The following DNAH9 variants were observed in gnomAD, a reference collection of about 807,000 sequenced individuals.
The protein encoded by DNAH9 is dynein axonemal heavy chain 9.
Under a neutral mutation model 471.6 loss-of-function variants are expected in DNAH9, and 345 were observed. The ratio of observed to expected loss-of-function variants is 0.73; its 90% CI spans 0.67 to 0.80. The LOEUF (loss-of-function observed/expected upper bound fraction) is 0.80. DNAH9 is among the 30% of genes least tolerant of loss of function. DNAH9 has a pLI of 0.00. For synonymous variants in DNAH9, 2,093 were observed against 2,123.6 expected, an observed-to-expected ratio of 0.99 and a Z score of 0.40; for missense variants, 5,407 against 5,609.2, an observed-to-expected ratio of 0.96 and a Z score of 1.15.
At position 11,805,523 on chromosome 17, in the gene DNAH9, C is replaced by CTTTT. The variant is rs773842478; in HGVS notation, c.8421-2170_8421-2167dup. On this transcript the variant is annotated intron_variant, in intron 43 of 68. Coordinates refer to ENST00000262442, the MANE Select transcript of DNAH9 (RefSeq NM_001372.4). ...TATTTGGCCAAACTTTACCCGAGTT[C>CTTTT]TTTTTTTTTTTTTTTTTTTTTTTTT... Among the ~76,000 whole-genome samples, 124 of 52,082 alleles carry CTTTT rather than the reference C, an allele frequency of 2.4e-3. 23 individuals are homozygous for CTTTT. Among genetic ancestry groups the CTTTT allele is most frequent in the East Asian group, 4.1e-3 (4 of 972 alleles). 34.2% of individuals were successfully genotyped at this position (52,082 alleles called of 152,430 possible). A position where few individuals can be genotyped will look rare whatever the true frequency, so the allele number is the denominator to read the frequency against.
rs1284860881 is a variant in DNAH9, at chr17:11,892,857, T to C, written c.11283+910T>C. On this transcript the variant is annotated intron_variant, in intron 58 of 68. Transcript: ENST00000262442. This position sits in a 1 kb window ranked among gnomAD's most constrained non-coding sequence, Gnocchi z 4.3. ...GCATGAGCCATTGCATCTGGCCTAA[T>C]TTACTTCCTTTTACATGTCCCTGTA... 6.6e-6 allele frequency among the ~76,000 whole-genome samples: 1 copy of C among 151,632 alleles called. No individual in the cohort carries two copies. The highest frequency in any genetic ancestry group is 1.5e-5 in the Non-Finnish European group (1 of 68,014).
At chr17:11,848,890 G>A (rs973503597) in intron 49 of DNAH9, among the ~76,000 whole-genome samples, 12 of 151,808 alleles carry the variant, frequency 7.9e-5, no homozygotes, top group Non-Finnish European at 1.2e-4. Flanking sequence ...AGGCTGGAGT[G>A]CAGTGGCATG....
rs118172785 is a variant in DNAH9, at chr17:11,604,300, G to A, written c.418-3829G>A. Among the ~76,000 whole-genome samples the A allele has an allele frequency of 5.0e-3, 763 of 152,178 alleles. 33 individuals carry two copies. In the East Asian group the frequency reaches 0.1, roughly 21 times the overall value. On this transcript the variant is annotated intron_variant, in intron 1 of 68. Transcript: ENST00000262442. ...GCTTCACAAAGTGTTGGGATTACAG[G>A]TGTGAGCCGCCGCGCCCGTCCTCTT...
At chr17:11,603,161 T>C (rs982931690) in intron 1 of DNAH9, among the ~76,000 whole-genome samples, 15 of 152,348 alleles carry the variant, frequency 9.8e-5, no homozygotes, top group African/African-American at 3.4e-4. Context: ...GAAAAACCAA[T>C]GGGCTCCTCT....
At chr17:11,960,435 T>TAAAAAAAAA (rs3074845) in intron 67 of DNAH9, among the ~76,000 whole-genome samples, 60 of 54,038 alleles carry the variant, frequency 1.1e-3, no homozygotes, top group East Asian at 6.8e-3. Flanking sequence ...GACTCTGTCT[T>TAAAAAAAAA]AAAAAAAAAA....
chr17:11,664,894 CTA>C lies in DNAH9; in HGVS notation c.2659_2660del (p.Ile887Ter). The C allele has an allele frequency of 6.2e-7, 1 of 1,612,580 alleles. No homozygotes were observed. Among genetic ancestry groups the C allele is most frequent in the Non-Finnish European group, 8.5e-7 (1 of 1,178,660 alleles). On this transcript the variant is annotated frameshift_variant, in exon 15 of 69. Transcript: ENST00000262442. LOFTEE classifies it high-confidence loss of function. ...AATATCTGGAAGACTTATGTTAACT[CTA>C]TTGACAATTTGTTGCTGAATGGATT...
rs752586394 is a variant in DNAH9, at chr17:11,875,182, A to G, written c.10476A>G (p.Lys3492=). 2 of 1,613,300 alleles carry G rather than the reference A, an allele frequency of 1.2e-6. No homozygotes were observed. Among genetic ancestry groups the G allele is most frequent in the Non-Finnish European group, 1.7e-6 (2 of 1,179,558 alleles). The change falls in exon 53 of 69, where the codon AAA becomes AAG. Residue 3492 remains lysine (K), a splice_region_variant and synonymous_variant. Coordinates refer to ENST00000262442, the MANE Select transcript of DNAH9 (RefSeq NM_001372.4). ...EDLRVTQIGQ[K]GYLQIIEQAL... is the part of the protein sequence containing the mutation. ...TCCGGGTCACGCAGATTGGTCAGAA[A>G]GGGTAAGTGGTTGAGCACAGAAGTT...
At chr17:11,786,020 ATCTTTC>A (rs1409612986) in intron 41 of DNAH9, among the ~76,000 whole-genome samples, 1 of 152,020 alleles carries the variant, frequency 6.6e-6, no homozygotes, top group Non-Finnish European at 1.5e-5. Context: ...TCACCACACA[ATCTTTC>A]TCTTAAATAT....
In DNAH9 at chr17:11,719,353, C is replaced by T; in HGVS notation, c.5572C>T (p.Gln1858Ter). Residue 1858 changes from glutamine (Q) to a stop codon, truncating the protein, a stop_gained, in exon 27 of 69, where the codon CAG (glutamine) becomes TAG (stop). Transcript: ENST00000262442. LOFTEE classifies it high-confidence loss of function. ...LTDRCYITLT[Q>*]SLHLTMSGAP... ...TGGCAGGTGCTACATCACCCTCACC[C>T]AGTCCCTGCACCTGACCATGAGTGG... is the stretch of plus-strand genomic sequence containing the variant. 1.2e-6 allele frequency: 2 copies of T among 1,614,080 alleles called. No homozygotes were observed. The highest frequency in any genetic ancestry group is 1.7e-6 in the Non-Finnish European group (2 of 1,179,990).
At chr17:11,958,468 A>T (rs1975788773) in intron 67 of DNAH9, among the ~76,000 whole-genome samples, 1 of 152,206 alleles carries the variant, frequency 6.6e-6, no homozygotes, top group Admixed American at 6.5e-5. Context: ...AACTGTAATG[A>T]TACAATATGA....
At position 11,633,238 on chromosome 17, in the gene DNAH9, A is replaced by G. The variant is rs538536304; in HGVS notation, c.1635+535A>G. On this transcript the variant is annotated intron_variant, in intron 8 of 68. Transcript: ENST00000262442. ...AGCTGAGAACGCTGCATCGTGAGAC[A>G]TGAAGACTCAGTGGAGCATGATATG... 2.6e-4 allele frequency among the ~76,000 whole-genome samples: 39 copies of G among 152,356 alleles called. No individual in the cohort carries two copies. The East Asian group carries it at 5.0e-3, about 20-fold the overall frequency.
At chr17:11,668,352 A>G (rs2073910524) in intron 15 of DNAH9, among the ~76,000 whole-genome samples, 1 of 152,190 alleles carries the variant, frequency 6.6e-6, no homozygotes, top group Non-Finnish European at 1.5e-5. Flanking sequence ...AGCTGCTTCC[A>G]AGAAATGGGC....
Position 11,617,447 on chromosome 17 carries a change from T to C in DNAH9, c.941T>C (p.Ile314Thr), listed in dbSNP as rs201122944. The change falls in exon 5 of 69, where the codon ATA becomes ACA. Residue 314 changes from isoleucine to threonine, a missense_variant. Physicochemically the swap from Ile to Thr is moderately conservative, Grantham distance 89 (BLOSUM62 -1). Transcript: ENST00000262442. ...GCACAGGACATCCATGTGCACCTGA[T>C]ACCGCTCCAGCGCCACCTGGAAGCT... is the stretch of plus-strand genomic sequence containing the variant. ...AEAQDIHVHLIPLQRHLEALE... is the reference protein window; with the variant it reads ...AEAQDIHVHLTPLQRHLEALE... 4 of 1,614,162 alleles carry C rather than the reference T, an allele frequency of 2.5e-6. No individual in the cohort carries two copies. The East Asian group carries it at 6.7e-5, about 27-fold the overall frequency.
At chr17:11,621,827 A>G (rs554504256) in intron 6 of DNAH9, among the ~76,000 whole-genome samples, 16 of 152,128 alleles carry the variant, frequency 1.1e-4, no homozygotes, top group Non-Finnish European at 2.1e-4. Flanking sequence ...CACGCCTGTA[A>G]TCCCAGCACT....
chr17:11,902,845 A>AAGAC lies in DNAH9; in HGVS notation c.11536_11539dup (p.Ala3847AspfsTer26), dbSNP rs1973458287. ...GAAGCTCCCACAGGAGTGGAAGAAC[A>AAGAC]AGACAGCCCTGCAGCGCCTCTGCAT... On this transcript the variant is annotated frameshift_variant, in exon 60 of 69. Transcript: ENST00000262442. LOFTEE classifies it high-confidence loss of function. 6.2e-7 allele frequency: 1 copy of AAGAC among 1,613,882 alleles called. No individual in the cohort carries two copies. Among genetic ancestry groups the AAGAC allele is most frequent in the African/African-American group, 1.3e-5 (1 of 74,944 alleles).
intron 6 of DNAH9, among the ~76,000 whole-genome samples, chr17:11,622,968 C>CTTTTTTTTTTTTTT (rs10551080): frequency 6.6e-5 from 7 of 105,380 alleles, no homozygotes; most frequent in Non-Finnish European, 1.1e-4. Context: ...TTTTCTTTTT[C>CTTTTTTTTTTTTTT]TTTTTTTTTT....
intron 10 of DNAH9, among the ~76,000 whole-genome samples, chr17:11,643,277 T>C (rs550285838): frequency 2.6e-5 from 4 of 152,342 alleles, no homozygotes; most frequent in Non-Finnish European, 4.4e-5. Flanking sequence ...ACATGTTATA[T>C]GTACGTCCAT....
At chr17:11,914,003 G>C (rs1395548198) in intron 61 of DNAH9, among the ~76,000 whole-genome samples, 1 of 152,026 alleles carries the variant, frequency 6.6e-6, no homozygotes, top group Non-Finnish European at 1.5e-5. Context: ...TAATTTTTAA[G>C]TTGAAAGCCA....
chr17:11,888,284 C>T (rs928102884), intron 57 of DNAH9, among the ~76,000 whole-genome samples: 8 of 152,090 alleles, frequency 5.3e-5, no homozygotes, highest in Admixed American at 6.6e-5. Context: ...CACCCGGTCC[C>T]ATATTTTACG....
Sources: gnomAD v4.1 joint callset for allele counts (sites outside exome capture counted in the v4.1 genomes callset) on GRCh38, gnomAD v4.1.1 for gene constraint, Gnocchi (gnomAD v3.1) non-coding constraint, MANE v1.5 for transcripts, NCBI Gene and HGNC (gene_info 2026-07-23, HGNC 2026-07-21) for gene names.